The following TCERG1L variants were observed in gnomAD, a reference collection of about 807,000 sequenced individuals.
The protein encoded by TCERG1L is transcription elongation regulator 1-like protein.
In TCERG1L, 37 loss-of-function variants were observed where a neutral mutation model predicts 56.3. The ratio of observed to expected loss-of-function variants is 0.66; its 90% CI spans 0.51 to 0.87. The LOEUF (loss-of-function observed/expected upper bound fraction) is 0.87, where lower values mean the gene tolerates loss of function less well. TCERG1L is among the 40% of genes least tolerant of loss of function. The probability of loss-of-function intolerance (pLI) is 0.00; values close to 1 mark genes in which losing one functional copy is unlikely to be tolerated. For missense variants in TCERG1L, 799 were observed against 774.2 expected, an observed-to-expected ratio of 1.03 and a Z score of -0.38; for synonymous variants, 324 against 326.3, an observed-to-expected ratio of 0.99 and a Z score of 0.08.
intron 3 of TCERG1L, among the ~76,000 whole-genome samples, chr10:131,290,727 G>C (rs960594733): frequency 6.6e-6 from 1 of 150,618 alleles, no homozygotes; most frequent in Non-Finnish European, 1.5e-5. Context: ...TTTTATTCAT[G>C]ACTGAAGGCC....
chr10:131,296,870 T>C (rs1360398519), intron 3 of TCERG1L, among the ~76,000 whole-genome samples: 1 of 151,360 alleles, frequency 6.6e-6, no homozygotes, highest in Admixed American at 6.6e-5. Flanking sequence ...ACTTGTATTT[T>C]ATTTTAACTT....
At chr10:131,215,417 A>G (rs1226158035) in intron 4 of TCERG1L, among the ~76,000 whole-genome samples, 2 of 152,248 alleles carry the variant, frequency 1.3e-5, no homozygotes, top group African/African-American at 4.8e-5. Flanking sequence ...GAAATTTTCA[A>G]TCCAATCCAG....
At chr10:131,257,205 C>A (rs530566418) in intron 4 of TCERG1L, among the ~76,000 whole-genome samples, 1 of 152,196 alleles carries the variant, frequency 6.6e-6, no homozygotes, top group African/African-American at 2.4e-5. Context: ...AAAGATGCAA[C>A]CTCTGCTGGA....
At chr10:131,124,168 T>A (rs1420256521) in intron 8 of TCERG1L, among the ~76,000 whole-genome samples, 1 of 152,136 alleles carries the variant, frequency 6.6e-6, no homozygotes, top group African/African-American at 2.4e-5. Flanking sequence ...GGTTGGACCA[T>A]CCCAGAGATC....
chr10:131,132,090 C>A (rs1179330585), intron 8 of TCERG1L, among the ~76,000 whole-genome samples: 2 of 152,142 alleles, frequency 1.3e-5, no homozygotes, highest in Non-Finnish European at 2.9e-5. Context: ...GTTGGTGCTT[C>A]GGAAGAGCTT....
chr10:131,298,336 T>G (rs1846720471), intron 3 of TCERG1L, among the ~76,000 whole-genome samples: 1 of 152,226 alleles, frequency 6.6e-6, no homozygotes, highest in Non-Finnish European at 1.5e-5. Flanking sequence ...TCTGTTCTAT[T>G]TTCAAACATT....
chr10:131,154,745 C>T (rs2918145), intron 6 of TCERG1L, among the ~76,000 whole-genome samples: 97,144 of 152,054 alleles, frequency 0.64, 31,621 homozygotes, highest in East Asian at 0.75. Flanking sequence ...CCAGCCCAGC[C>T]GTGTCTGGCC....
intron 4 of TCERG1L, among the ~76,000 whole-genome samples, chr10:131,225,552 C>T (rs1329456658): frequency 6.6e-6 from 1 of 152,254 alleles, no homozygotes; most frequent in Non-Finnish European, 1.5e-5. Context: ...AGATGCATTT[C>T]GATTGATTTC....
chr10:131,183,164 G>A (rs1245236314), intron 4 of TCERG1L, among the ~76,000 whole-genome samples: 1 of 152,148 alleles, frequency 6.6e-6, no homozygotes, highest in East Asian at 1.9e-4. Flanking sequence ...GGGAGGGGGA[G>A]ACTCACCATA....
chr10:131,213,158 G>A (rs1425111159), intron 4 of TCERG1L, among the ~76,000 whole-genome samples: 1 of 152,220 alleles, frequency 6.6e-6, no homozygotes, highest in Non-Finnish European at 1.5e-5. Flanking sequence ...GAGGCTATGT[G>A]GGGCCTCCCT....
At chr10:131,209,855 T>C (rs1258116334) in intron 4 of TCERG1L, among the ~76,000 whole-genome samples, 1 of 152,236 alleles carries the variant, frequency 6.6e-6, no homozygotes, top group African/African-American at 2.4e-5. Context: ...TTTACAAAGA[T>C]AATGCTTTTA....
At chr10:131,111,921 CT>C (rs1345754908) in intron 9 of TCERG1L, among the ~76,000 whole-genome samples, 1 of 143,238 alleles carries the variant, frequency 7.0e-6, no homozygotes, top group African/African-American at 2.5e-5. Context: ...CCCTTGGTCC[CT>C]AGTCATGGGC....
At position 131,160,134 on chromosome 10, in the gene TCERG1L, C is replaced by T. The variant is rs528165621; in HGVS notation, c.1034+2988G>A. Among the ~76,000 whole-genome samples, 88 of 152,196 alleles carry T rather than the reference C, an allele frequency of 5.8e-4. 1 individual carries two copies. Among genetic ancestry groups the T allele is most frequent in the Non-Finnish European group, 9.3e-4 (63 of 68,034 alleles). On this transcript the variant is annotated intron_variant, in intron 6 of 11. Transcript: ENST00000368642. Reference sequence around the variant, plus strand: ...CTAGATCTGATTCAAGCAGTGTGCTCCCAGCGTGAAGCTTCTCCGTCCACT... The same window carrying T: ...CTAGATCTGATTCAAGCAGTGTGCTTCCAGCGTGAAGCTTCTCCGTCCACT...
intron 9 of TCERG1L, among the ~76,000 whole-genome samples, chr10:131,110,613 G>T (rs1845400968): frequency 6.6e-6 from 1 of 152,200 alleles, no homozygotes; most frequent in Non-Finnish European, 1.5e-5. Flanking sequence ...CCTGAAATGG[G>T]GCACCTCAGC....
chr10:131,093,495 T>C (rs1447764858), intron 11 of TCERG1L, among the ~76,000 whole-genome samples, 177 bp from the exon 12 acceptor site: 5 of 151,782 alleles, frequency 3.3e-5, no homozygotes, highest in African/African-American at 1.2e-4. Context: ...CTCACCCGGG[T>C]CCTGCAGGGC....
At chr10:131,177,540 C>G (rs901138988) in intron 4 of TCERG1L, among the ~76,000 whole-genome samples, 1 of 152,260 alleles carries the variant, frequency 6.6e-6, no homozygotes, top group African/African-American at 2.4e-5. Flanking sequence ...CAGCACAGGG[C>G]CATTGCAGTG....
chr10:131,196,008 G>A (rs531846106), intron 4 of TCERG1L, among the ~76,000 whole-genome samples: 1 of 152,346 alleles, frequency 6.6e-6, no homozygotes, highest in African/African-American at 2.4e-5. Flanking sequence ...AAATCTGTGA[G>A]TGACACACAC....
intron 4 of TCERG1L, among the ~76,000 whole-genome samples, chr10:131,188,875 C>A (rs772650859): frequency 6.6e-6 from 1 of 152,154 alleles, no homozygotes; most frequent in South Asian, 2.1e-4. Flanking sequence ...CTTTCTTATG[C>A]GAGTTTCCTT....
At chr10:131,167,278 T>A in intron 4 of TCERG1L, among the ~76,000 whole-genome samples, 1 of 152,198 alleles carries the variant, frequency 6.6e-6, no homozygotes, top group African/African-American at 2.4e-5. Flanking sequence ...GTCCATCTGG[T>A]GACAATCACC....
Sources: allele counts gnomAD v4.1 joint callset (sites outside exome capture counted in the v4.1 genomes callset), GRCh38; gene constraint gnomAD v4.1.1; transcripts MANE v1.5; gene names NCBI Gene and HGNC (gene_info 2026-07-23, HGNC 2026-07-21).